The following SPTBN1 variants were observed in gnomAD, a reference collection of about 807,000 sequenced individuals.
SPTBN1 encodes spectrin beta chain, non-erythrocytic 1.
SPTBN1 carries 32 observed loss-of-function variants against 266.4 expected under a neutral mutation model. The observed-to-expected ratio is 0.12, with a 90% CI of 0.09 to 0.16. The LOEUF is 0.16. SPTBN1 is among the 10% of genes least tolerant of loss of function. The pLI, the probability that SPTBN1 is intolerant of heterozygous loss-of-function variation, is 1.00. For synonymous variants in SPTBN1, 1,336 were observed against 1,162.2 expected (o/e 1.15, Z -3.04); for missense variants, 2,296 against 3,067.1 (o/e 0.75, Z 5.94).
chr2:54,646,510 G>C lies in SPTBN1; in HGVS notation c.4866+35G>C. ...GGCGGGAAGCATCCCTGTCCCAGGA[G>C]AGCCTCAGATTCAAACCCTGGGCAC... On this transcript the variant is annotated intron_variant, in intron 23 of 35. Transcript: ENST00000356805. This position sits in a 1 kb window ranked among gnomAD's most constrained non-coding sequence, Gnocchi z 4.4. The C allele has an allele frequency of 6.8e-7, 1 of 1,462,430 alleles. No homozygotes were observed. The highest frequency in any genetic ancestry group is 9.0e-7 in the Non-Finnish European group (1 of 1,107,392). The allele number at this position is 1,462,430 out of a possible 1,614,324, so 90.6% of individuals were successfully genotyped here. A position where few individuals can be genotyped will look rare whatever the true frequency, so the allele number is the denominator to read the frequency against.
intron 1 of SPTBN1, chr2:54,457,175 C>A (rs571234185): frequency 1.6e-5 from 2 of 127,914 alleles, no homozygotes; most frequent in Non-Finnish European, 3.3e-5. Context: ...CCCTTTCTGC[C>A]GTCCCCACTC....
chr2:54,508,246 G>A (rs1669677294), intron 1 of SPTBN1, among the ~76,000 whole-genome samples: 1 of 152,192 alleles, frequency 6.6e-6, no homozygotes, highest in Non-Finnish European at 1.5e-5. Context: ...AATGACCACG[G>A]TGGCCTTCTT....
rs1448051911 is a variant in SPTBN1, at chr2:54,561,684, T to C, written c.148+35118T>C. Among the ~76,000 whole-genome samples the C allele has an allele frequency of 4.0e-5, 6 of 148,892 alleles. No homozygotes were observed. The Admixed American group carries it at 4.0e-4, about 10-fold the overall frequency. Reference sequence around the variant, plus strand: ...TAGCGATTTATAGTTTATAAATTTATAGAGATATTATAAATTTATAGTTTA... The same window carrying C: ...TAGCGATTTATAGTTTATAAATTTACAGAGATATTATAAATTTATAGTTTA... On this transcript the variant is annotated intron_variant, in intron 2 of 35. Coordinates refer to ENST00000356805, the MANE Select transcript of SPTBN1 (RefSeq NM_003128.3).
chr2:54,485,259 TG>T (rs1389118867), intron 1 of SPTBN1, among the ~76,000 whole-genome samples: 3 of 149,958 alleles, frequency 2.0e-5, no homozygotes, highest in African/African-American at 7.3e-5. Flanking sequence ...TGGACTGTAC[TG>T]CTCCCATCTC....
chr2:54,562,791 C>G (rs1025448946), intron 2 of SPTBN1, among the ~76,000 whole-genome samples: 2 of 151,460 alleles, frequency 1.3e-5, no homozygotes, highest in Non-Finnish European at 2.9e-5. Context: ...CTCATGAGCT[C>G]AAGTGATTGG....
intron 2 of SPTBN1, among the ~76,000 whole-genome samples, chr2:54,581,531 C>T (rs1272312545): frequency 6.7e-6 from 1 of 149,700 alleles, no homozygotes; most frequent in Non-Finnish European, 1.5e-5. Context: ...GCAAGCCGAC[C>T]CTTGGGAAGC....
intron 10 of SPTBN1, among the ~76,000 whole-genome samples, chr2:54,624,041 T>G (rs868416295): frequency 1.3e-5 from 2 of 152,262 alleles, no homozygotes; most frequent in Admixed American, 1.3e-4. Context: ...CCTGCAGTTA[T>G]AGAAATTCAC....
chr2:54,643,896 C>T (rs1169583028), intron 19 of SPTBN1, among the ~76,000 whole-genome samples: 1 of 152,016 alleles, frequency 6.6e-6, no homozygotes, highest in Non-Finnish European at 1.5e-5. Context: ...GGCACGAGCC[C>T]AGGAGGCAGA....
chr2:54,523,176 T>C (rs752300582), intron 1 of SPTBN1, among the ~76,000 whole-genome samples: 8 of 152,256 alleles, frequency 5.3e-5, no homozygotes, highest in Non-Finnish European at 1.0e-4. Context: ...TAAATGCCAC[T>C]GTAAGATCAT....
rs75381019 is a variant in SPTBN1 at position 54,591,611 on chromosome 2, A to G, written c.149-7481A>G. Among the ~76,000 whole-genome samples, 115 of 152,266 alleles carry G rather than the reference A, an allele frequency of 7.6e-4. 1 individual carries two copies. Among genetic ancestry groups the G allele is most frequent in the African/African-American group, 2.2e-3 (92 of 41,564 alleles). Reference sequence around the variant, plus strand: ...GGGTCTTTTGACAGTTCCTGATTCTATGTTTCCTTTTTTTTCCATCCGGAG... The same window carrying G: ...GGGTCTTTTGACAGTTCCTGATTCTGTGTTTCCTTTTTTTTCCATCCGGAG... On this transcript the variant is annotated intron_variant, in intron 2 of 35. Coordinates refer to ENST00000356805, the MANE Select transcript of SPTBN1 (RefSeq NM_003128.3).
intron 1 of SPTBN1, among the ~76,000 whole-genome samples, chr2:54,465,278 C>G (rs1333213825): frequency 6.6e-6 from 1 of 152,104 alleles, no homozygotes; most frequent in Non-Finnish European, 1.5e-5. Flanking sequence ...GACCAGGGTT[C>G]TTTGGTATTT....
chr2:54,591,279 G>A (rs1172529738), intron 2 of SPTBN1, among the ~76,000 whole-genome samples: 1 of 152,032 alleles, frequency 6.6e-6, no homozygotes, highest in East Asian at 1.9e-4. Context: ...TTAAATAGTG[G>A]GGATATGTTC....
chr2:54,472,290 G>A (rs991300472), intron 1 of SPTBN1, among the ~76,000 whole-genome samples: 5 of 152,134 alleles, frequency 3.3e-5, no homozygotes, highest in Non-Finnish European at 7.3e-5. Flanking sequence ...ACCTACCAAA[G>A]TGCTGGGATT....
chr2:54,463,645 G>A (rs1275469897), intron 1 of SPTBN1, among the ~76,000 whole-genome samples: 2 of 152,216 alleles, frequency 1.3e-5, no homozygotes, highest in Non-Finnish European at 2.9e-5. Flanking sequence ...GTAATTCAGC[G>A]CTTATCACAA....
Position 54,653,466 on chromosome 2 carries a change from A to G in SPTBN1, c.5578-143A>G, listed in dbSNP as rs150035350. 2.2e-6 allele frequency: 3 copies of G among 1,351,228 alleles called. No individual in the cohort carries two copies. The highest frequency in any genetic ancestry group is 2.9e-5 in the African/African-American group (2 of 68,306). The allele number at this position is 1,351,228 out of a possible 1,614,324, so 83.7% of individuals were successfully genotyped here. Reference sequence around the variant, plus strand: ...TTTTGTGACTTGGATCTCCCCAGTGAAATTGAGGGCTCCTTAAGGGGCATG... The same window carrying G: ...TTTTGTGACTTGGATCTCCCCAGTGGAATTGAGGGCTCCTTAAGGGGCATG... On this transcript the variant is annotated intron_variant, in intron 26 of 35. Transcript: ENST00000356805. The surrounding 1 kb of genome is among the most constrained non-coding windows in gnomAD (Gnocchi z 5.1).
intron 1 of SPTBN1, among the ~76,000 whole-genome samples, chr2:54,475,033 A>G (rs1236371726): frequency 1.3e-5 from 2 of 151,930 alleles, no homozygotes; most frequent in Admixed American, 6.5e-5. Context: ...AATACAAAAT[A>G]TAAAATTATA....
intron 27 of SPTBN1, 68 bp from the exon 28 acceptor site, chr2:54,655,002 G>A: frequency 6.5e-7 from 1 of 1,535,858 alleles, no homozygotes; most frequent in Non-Finnish European, 8.8e-7. Context: ...TTAATTGTGT[G>A]TTTTAAAACC....
chr2:54,596,365 C>G (rs6739140), intron 2 of SPTBN1, among the ~76,000 whole-genome samples: 51,570 of 152,164 alleles, frequency 0.34, 11,390 homozygotes, highest in African/African-American at 0.64. Flanking sequence ...CTCTGTCTCC[C>G]TCCTTCCAAC....
intron 26 of SPTBN1, among the ~76,000 whole-genome samples, chr2:54,650,282 T>C (rs1680185552): frequency 6.6e-6 from 1 of 152,260 alleles, no homozygotes; most frequent in Admixed American, 6.5e-5. Flanking sequence ...GTTTTTATTA[T>C]GTTAGCATAT....
Sources: gnomAD v4.1 joint callset for allele counts (sites outside exome capture counted in the v4.1 genomes callset) on GRCh38, gnomAD v4.1.1 for gene constraint, Gnocchi (gnomAD v3.1) non-coding constraint, MANE v1.5 for transcripts, NCBI Gene and HGNC (gene_info 2026-07-23, HGNC 2026-07-21) for gene names.